SCRG1: variants seen among roughly 807,000 people sequenced by gnomAD.
SCRG1 encodes scrapie-responsive protein 1.
SCRG1 carries 3 observed loss-of-function variants against 7.7 expected under a neutral mutation model. That is an observed-to-expected ratio of 0.39 (90% CI 0.18 to 1.01). The LOEUF is 1.01. Among genes scored for constraint, SCRG1 ranks in the 50% least tolerant of loss-of-function variants. SCRG1 has a pLI of 0.36. For synonymous variants in SCRG1, 46 were observed against 41.2 expected, an observed-to-expected ratio of 1.12 and a Z score of -0.44; for missense variants, 110 against 117.2, an observed-to-expected ratio of 0.94 and a Z score of 0.28.
At chr4:173,451,805 T>C in the SCRG1 span, among the ~76,000 whole-genome samples, 2 of 151,980 alleles carry the variant, frequency 1.3e-5, no homozygotes, top group African/African-American at 4.8e-5. Context: ...CCTCTGTCCA[T>C]TGGCTTTTTT....
the SCRG1 span, among the ~76,000 whole-genome samples, chr4:173,484,476 A>ATATATATTATATACATATAATATATAT: frequency 0.24 from 4,393 of 18,606 alleles, 372 homozygotes; most frequent in Middle Eastern, 0.29. Context: ...ATAATATATA[A>ATATATATTATATACATATAATATATAT]TATATATTAT....
At chr4:173,449,648 C>A in the SCRG1 span, among the ~76,000 whole-genome samples, 1 of 152,190 alleles carries the variant, frequency 6.6e-6, no homozygotes, top group Non-Finnish European at 1.5e-5. Context: ...TGCTTACTAT[C>A]CCCCATGCCA....
the SCRG1 span, chr4:173,469,062 G>A: frequency 3.3e-5 from 5 of 152,160 alleles, no homozygotes; most frequent in African/African-American, 1.2e-4. Flanking sequence ...TTGCCACCCT[G>A]TGTAAACACA....
the SCRG1 span, among the ~76,000 whole-genome samples, chr4:173,464,736 CT>C: frequency 6.6e-6 from 1 of 152,130 alleles, no homozygotes; most frequent in Non-Finnish European, 1.5e-5. Context: ...AGTTCTATTC[CT>C]GGGTATATAC....
chr4:173,421,416 T>TTGG, the SCRG1 span, among the ~76,000 whole-genome samples: 1,406 of 147,400 alleles, frequency 9.5e-3, 14 homozygotes, highest in Middle Eastern at 0.069. Context: ...TTTAGTTTGT[T>TTGG]GGGGGGGGGT....
chr4:173,430,769 T>C, the SCRG1 span, among the ~76,000 whole-genome samples: 1 of 127,086 alleles, frequency 7.9e-6, no homozygotes, highest in African/African-American at 3.1e-5. Context: ...ATCATGCCAC[T>C]GTACTCCAGC....
the SCRG1 span, among the ~76,000 whole-genome samples, chr4:173,463,424 G>A: frequency 2.0e-5 from 3 of 152,180 alleles, no homozygotes; most frequent in East Asian, 1.9e-4. Context: ...ACAGGCACAC[G>A]CCACCATGCC....
chr4:173,452,886 C>G, the SCRG1 span, among the ~76,000 whole-genome samples: 2 of 152,214 alleles, frequency 1.3e-5, no homozygotes, highest in Non-Finnish European at 1.5e-5. Flanking sequence ...ATTTCTATCT[C>G]TAATCTCTGG....
At chr4:173,396,191 G>C (rs1248073333) in intron 1 of SCRG1, among the ~76,000 whole-genome samples, 2 of 152,202 alleles carry the variant, frequency 1.3e-5, no homozygotes, top group African/African-American at 4.8e-5. Flanking sequence ...ATTTTGGGGG[G>C]AATCCAGAAA....
chr4:173,461,940 T>A, the SCRG1 span, among the ~76,000 whole-genome samples: 1 of 151,810 alleles, frequency 6.6e-6, no homozygotes, highest in Non-Finnish European at 1.5e-5. Flanking sequence ...GAGGAATGTA[T>A]CAAACCCCTT....
At chr4:173,516,280 G>A in the SCRG1 span, among the ~76,000 whole-genome samples, 1 of 152,176 alleles carries the variant, frequency 6.6e-6, no homozygotes. Context: ...AACACCACCC[G>A]GATAATATAT....
At chr4:173,394,863 AACC>A (rs1366480006) in intron 1 of SCRG1, among the ~76,000 whole-genome samples, 1 of 152,246 alleles carries the variant, frequency 6.6e-6, no homozygotes, top group Admixed American at 6.5e-5. Flanking sequence ...AATGGAATTC[AACC>A]ACCACCATTT....
the SCRG1 span, chr4:173,420,172 A>G: frequency 2.5e-5 from 12 of 472,134 alleles, no homozygotes; most frequent in Admixed American, 2.5e-4. Context: ...GTGGCTCAAC[A>G]GAGACCTTCA....
At chr4:173,517,400 T>C in the SCRG1 span, among the ~76,000 whole-genome samples, 2 of 152,134 alleles carry the variant, frequency 1.3e-5, no homozygotes, top group African/African-American at 4.8e-5. Context: ...TTGAAATTCA[T>C]TGTGTGTTTT....
chr4:173,494,069 C>A, the SCRG1 span, among the ~76,000 whole-genome samples: 1 of 152,260 alleles, frequency 6.6e-6, no homozygotes, highest in Non-Finnish European at 1.5e-5. Flanking sequence ...CGCCCTTTTA[C>A]AACTGGAGAG....
the SCRG1 span, among the ~76,000 whole-genome samples, chr4:173,485,088 T>TAA: frequency 2.1e-3 from 15 of 7,050 alleles, no homozygotes; most frequent in Non-Finnish European, 4.2e-3. Flanking sequence ...ATATAATATA[T>TAA]TATATATTAT....
upstream of SCRG1, among the ~76,000 whole-genome samples, chr4:173,399,844 T>C (rs576153491): frequency 2.0e-5 from 3 of 152,326 alleles, no homozygotes; most frequent in South Asian, 6.2e-4. Context: ...TTAGAGATAT[T>C]ATATTGTAAT....
chr4:173,484,277 CAT>C, the SCRG1 span, among the ~76,000 whole-genome samples: 36 of 41,582 alleles, frequency 8.7e-4, no homozygotes, highest in African/African-American at 3.5e-3. Flanking sequence ...TTTTATATAT[CAT>C]ATATTTTCTA....
chr4:173,491,217 C>T, the SCRG1 span, among the ~76,000 whole-genome samples: 79,148 of 132,492 alleles, frequency 0.6, 24,823 homozygotes, highest in Non-Finnish European at 0.71. Flanking sequence ...CTCTCTCTCT[C>T]TTTTTTTTTT....
Sources: gnomAD v4.1 joint callset for allele counts (sites outside exome capture counted in the v4.1 genomes callset) on GRCh38, gnomAD v4.1.1 for gene constraint, MANE v1.5 for transcripts, NCBI Gene and HGNC (gene_info 2026-07-23, HGNC 2026-07-21) for gene names.